LARP4B: variants seen among roughly 807,000 people sequenced by gnomAD.
The protein encoded by LARP4B is la-related protein 4B.
In LARP4B, 12 loss-of-function variants were observed where a neutral mutation model predicts 89.8. The ratio of observed to expected loss-of-function variants is 0.13; its 90% CI spans 0.09 to 0.22. The LOEUF (loss-of-function observed/expected upper bound fraction) is 0.22, where lower values mean the gene tolerates loss of function less well. Ranked by LOEUF, LARP4B falls within the 10% of genes least tolerant of loss-of-function variation. The pLI, the probability that LARP4B is intolerant of heterozygous loss-of-function variation, is 1.00. For synonymous variants in LARP4B, 367 were observed against 363.3 expected, an observed-to-expected ratio of 1.01 and a Z score of -0.12; for missense variants, 757 against 947.7, an observed-to-expected ratio of 0.80 and a Z score of 2.64.
chr10:857,076 A>G (rs1478156972), intron 5 of LARP4B, among the ~76,000 whole-genome samples: 1 of 152,110 alleles, frequency 6.6e-6, no homozygotes, highest in Non-Finnish European at 1.5e-5. Context: ...TAGTCACCAC[A>G]GTGCCTTCCA....
the LARP4B span, among the ~76,000 whole-genome samples, chr10:984,531 AG>A: frequency 6.6e-6 from 1 of 152,360 alleles, no homozygotes; most frequent in African/African-American, 2.4e-5. Context: ...GACGTGAGCA[AG>A]GGCAGAAGTT....
chr10:924,072 CA>C (rs200743796), intron 1 of LARP4B, among the ~76,000 whole-genome samples: 1 of 151,132 alleles, frequency 6.6e-6, no homozygotes. Context: ...GCCACCTCTA[CA>C]AAAAAAAATT....
rs1369824484 is a variant in LARP4B at position 812,539 on chromosome 10, C to CT, written c.*386dup. 3 of 114,514 alleles carry CT rather than the reference C, an allele frequency of 2.6e-5. No individual in the cohort carries two copies. The highest frequency in any genetic ancestry group is 3.7e-5 in the Non-Finnish European group (2 of 53,608). 7.1% of individuals were successfully genotyped at this position (114,514 alleles called of 1,614,324 possible). A position where few individuals can be genotyped will look rare whatever the true frequency, so the allele number is the denominator to read the frequency against. ...GAGATATGCACTTACAGACCAGTTA[C>CT]TTAAAAAAAAAAAAAAAAAGCAGAG... On this transcript the variant is annotated 3_prime_UTR_variant, in exon 18 of 18. Coordinates refer to ENST00000316157, the MANE Select transcript of LARP4B (RefSeq NM_015155.3).
Position 814,428 on chromosome 10 carries a change from C to T in LARP4B, c.1929+314G>A, listed in dbSNP as rs751695204. ...ACGCACGCAAACATACACACACGCGCGAAATGCTGAAATGATCCTAAAGTC... is the reference window on the plus strand; with the variant it reads ...ACGCACGCAAACATACACACACGCGTGAAATGCTGAAATGATCCTAAAGTC... On this transcript the variant is annotated intron_variant, in intron 17 of 17. Coordinates refer to ENST00000316157, the MANE Select transcript of LARP4B (RefSeq NM_015155.3). The surrounding 1 kb of genome is among the most constrained non-coding windows in gnomAD (Gnocchi z 4.4). 4.1e-5 allele frequency: 17 copies of T among 418,570 alleles called. No homozygotes were observed. Among genetic ancestry groups the T allele is most frequent in the African/African-American group, 1.2e-4 (6 of 48,500 alleles). The allele number at this position is 418,570 out of a possible 1,614,324, so 25.9% of individuals were successfully genotyped here. A position where few individuals can be genotyped will look rare whatever the true frequency, so the allele number is the denominator to read the frequency against.
chr10:963,439 G>A, the LARP4B span, among the ~76,000 whole-genome samples: 9 of 152,308 alleles, frequency 5.9e-5, no homozygotes, highest in African/African-American at 2.2e-4. Context: ...TGCCTCCAAC[G>A]TGCAGAATCT....
chr10:846,767 T>C (rs1317660623), intron 5 of LARP4B, among the ~76,000 whole-genome samples: 3 of 152,006 alleles, frequency 2.0e-5, no homozygotes, highest in African/African-American at 7.2e-5. Context: ...GGGAGGACTC[T>C]CCAAGCGATA....
intron 3 of LARP4B, among the ~76,000 whole-genome samples, chr10:872,330 C>T (rs907288153): frequency 6.6e-5 from 10 of 152,198 alleles, no homozygotes; most frequent in East Asian, 1.9e-4. Context: ...TTCTTCCTGC[C>T]GTGGCTCTGG....
At chr10:853,853 G>A (rs921229975) in intron 5 of LARP4B, among the ~76,000 whole-genome samples, 4 of 152,178 alleles carry the variant, frequency 2.6e-5, no homozygotes, top group African/African-American at 7.2e-5. Flanking sequence ...AGACAACAGC[G>A]AAGTATATCA....
chr10:855,509 C>CAGTT (rs1834256136), intron 5 of LARP4B, among the ~76,000 whole-genome samples: 1 of 152,028 alleles, frequency 6.6e-6, no homozygotes, highest in African/African-American at 2.4e-5. Flanking sequence ...AGGGAAGAGC[C>CAGTT]AGTTAGTGGA....
At chr10:883,260 C>T (rs1835741797) in intron 3 of LARP4B, among the ~76,000 whole-genome samples, 1 of 152,162 alleles carries the variant, frequency 6.6e-6, no homozygotes, top group Non-Finnish European at 1.5e-5. Context: ...GCCTGTAATC[C>T]CAGCACTTTG....
chr10:947,521 A>C, the LARP4B span, among the ~76,000 whole-genome samples: 2 of 152,248 alleles, frequency 1.3e-5, no homozygotes, highest in South Asian at 4.1e-4. Flanking sequence ...TGGAAGGAGG[A>C]GGCTGAGGAG....
chr10:925,074 G>A (rs1430296302), intron 1 of LARP4B, among the ~76,000 whole-genome samples: 1 of 152,218 alleles, frequency 6.6e-6, no homozygotes, highest in Non-Finnish European at 1.5e-5. Context: ...CAGCAAGAAG[G>A]GGAGACAAGG....
chr10:930,852 C>A (rs1346715344), intron 1 of LARP4B, among the ~76,000 whole-genome samples: 1 of 152,026 alleles, frequency 6.6e-6, no homozygotes, highest in Non-Finnish European at 1.5e-5. Flanking sequence ...CGCCCCGCAC[C>A]CGCACGGCCG....
chr10:982,398 A>G, the LARP4B span, among the ~76,000 whole-genome samples: 4 of 152,142 alleles, frequency 2.6e-5, no homozygotes, highest in African/African-American at 7.2e-5. Flanking sequence ...GCCTCAACCT[A>G]TAACTTTTTA....
At chr10:968,461 C>T in the LARP4B span, among the ~76,000 whole-genome samples, 1 of 152,168 alleles carries the variant, frequency 6.6e-6, no homozygotes, top group Non-Finnish European at 1.5e-5. Context: ...CACGGCCTTC[C>T]CTCCAATTAG....
At chr10:927,794 T>C (rs1837186568) in intron 1 of LARP4B, among the ~76,000 whole-genome samples, 1 of 152,232 alleles carries the variant, frequency 6.6e-6, no homozygotes, top group African/African-American at 2.4e-5. Context: ...TTTGAGAATT[T>C]TGTAGAAGAA....
chr10:982,732 T>C, the LARP4B span, among the ~76,000 whole-genome samples: 1 of 152,248 alleles, frequency 6.6e-6, no homozygotes, highest in African/African-American at 2.4e-5. Flanking sequence ...CATGGCAGTC[T>C]GCCACAGAAA....
At chr10:963,990 C>T in the LARP4B span, among the ~76,000 whole-genome samples, 1 of 152,304 alleles carries the variant, frequency 6.6e-6, no homozygotes, top group South Asian at 2.1e-4. Context: ...TGGTAAGTTC[C>T]ATAAACAAGT....
At chr10:988,317 G>A in the LARP4B span, 4 of 631,050 alleles carry the variant, frequency 6.3e-6, no homozygotes, top group African/African-American at 3.7e-5. Context: ...CAAGCCGGGC[G>A]GGTGCGCTGT....
Sources: gnomAD v4.1 joint callset for allele counts (sites outside exome capture counted in the v4.1 genomes callset) on GRCh38, gnomAD v4.1.1 for gene constraint, Gnocchi (gnomAD v3.1) non-coding constraint, MANE v1.5 for transcripts, NCBI Gene and HGNC (gene_info 2026-07-23, HGNC 2026-07-21) for gene names.